DNM3: variants seen among roughly 807,000 people sequenced by gnomAD.
DNM3 encodes the protein dynamin-3.
In DNM3, 47 loss-of-function variants were observed where a neutral mutation model predicts 101.6. That is an observed-to-expected ratio of 0.46 (90% CI 0.37 to 0.59). DNM3 has a LOEUF of 0.59. DNM3 is among the 20% of genes least tolerant of loss of function. The pLI is 0.00. For synonymous variants in DNM3, 385 were observed against 387.9 expected, an observed-to-expected ratio of 0.99 and a Z score of 0.09; for missense variants, 849 against 1,085.7, an observed-to-expected ratio of 0.78 and a Z score of 3.06.
chr1:172,092,159 A>T (rs1396294311), intron 12 of DNM3, among the ~76,000 whole-genome samples: 1 of 152,164 alleles, frequency 6.6e-6, no homozygotes, highest in African/African-American at 2.4e-5. Context: ...TACCCAAGTG[A>T]TGAGGTTAAG....
chr1:172,213,665 T>G (rs1188530838), intron 14 of DNM3, among the ~76,000 whole-genome samples: 1 of 151,564 alleles, frequency 6.6e-6, no homozygotes, highest in African/African-American at 2.4e-5. Context: ...CCGTCTCTAC[T>G]GAAAAAGCAA....
Position 172,048,767 on chromosome 1 carries a change from T to A in DNM3, c.1335+17T>A. On this transcript the variant is annotated intron_variant, in intron 10 of 20. Transcript: ENST00000627582. ...ACCAAAAAAGTAAGTTCGAATTATT[T>A]AACTTTCCAGTACGTGGCTTTGGTT... 4.3e-6 allele frequency: 7 copies of A among 1,609,360 alleles called. No homozygotes were observed. The highest frequency in any genetic ancestry group is 5.1e-6 in the Non-Finnish European group (6 of 1,177,740).
intron 17 of DNM3, among the ~76,000 whole-genome samples, chr1:172,354,127 G>GAGAGAGAGAGAGAC (rs2067328642): frequency 6.7e-6 from 1 of 150,176 alleles, no homozygotes; most frequent in Admixed American, 6.7e-5. Context: ...GAGAGAGAGA[G>GAGAGAGAGAGAGAC]AGAGAGAGAG....
intron 1 of DNM3, among the ~76,000 whole-genome samples, chr1:171,891,085 G>A (rs1384891496): frequency 6.6e-6 from 1 of 152,130 alleles, no homozygotes; most frequent in Non-Finnish European, 1.5e-5. Flanking sequence ...CAACTAAATT[G>A]TGCTGGAAGG....
At chr1:171,849,933 T>G (rs541410903) in intron 1 of DNM3, among the ~76,000 whole-genome samples, 1 of 152,328 alleles carries the variant, frequency 6.6e-6, no homozygotes, top group East Asian at 1.9e-4. Context: ...TTTCTGACAT[T>G]ATTTTTAGTT....
At chr1:172,056,881 T>C (rs532288712) in intron 10 of DNM3, among the ~76,000 whole-genome samples, 5,760 of 151,918 alleles carry the variant, frequency 0.038, 116 homozygotes, top group Middle Eastern at 0.071. Context: ...AGGCTTCAGA[T>C]GATCAAATTA....
chr1:172,107,823 C>G, intron 13 of DNM3, among the ~76,000 whole-genome samples: 1 of 152,190 alleles, frequency 6.6e-6, no homozygotes. Flanking sequence ...ATTTCAGTTT[C>G]TGTCCCCAAA....
intron 1 of DNM3, among the ~76,000 whole-genome samples, chr1:171,857,851 T>C (rs1361851003): frequency 6.6e-6 from 1 of 151,986 alleles, no homozygotes; most frequent in African/African-American, 2.4e-5. Flanking sequence ...ATTAAAGAGG[T>C]CATAAGGGTG....
chr1:172,159,291 C>T (rs1162286304), intron 14 of DNM3, among the ~76,000 whole-genome samples: 1 of 151,586 alleles, frequency 6.6e-6, no homozygotes, highest in Middle Eastern at 3.2e-3. Flanking sequence ...TTGCCTCACA[C>T]TTTTTAAATG....
intron 10 of DNM3, among the ~76,000 whole-genome samples, chr1:172,052,392 G>A (rs183193169): frequency 6.6e-6 from 1 of 152,042 alleles, no homozygotes; most frequent in Non-Finnish European, 1.5e-5. Flanking sequence ...ATATATCTAT[G>A]TCTGTCCTAA....
intron 3 of DNM3, among the ~76,000 whole-genome samples, chr1:171,988,417 G>A (rs376784978): frequency 3.9e-5 from 6 of 152,156 alleles, no homozygotes; most frequent in East Asian, 3.9e-4. Context: ...TTGTTTATAT[G>A]GAGAGGTTGG....
chr1:172,025,801 A>C (rs2048165313), intron 4 of DNM3, among the ~76,000 whole-genome samples: 1 of 152,186 alleles, frequency 6.6e-6, no homozygotes, highest in Non-Finnish European at 1.5e-5. Flanking sequence ...CCATCTGAAG[A>C]TCACCAACCT....
intron 17 of DNM3, among the ~76,000 whole-genome samples, chr1:172,325,019 T>C (rs2065883135): frequency 6.6e-6 from 1 of 152,008 alleles, no homozygotes; most frequent in South Asian, 2.1e-4. Flanking sequence ...TTAAGAACAT[T>C]TGTAAAATTC....
intron 10 of DNM3, among the ~76,000 whole-genome samples, chr1:172,067,949 T>C (rs2051826173): frequency 2.0e-5 from 3 of 152,102 alleles, no homozygotes. Context: ...AGGACTTAGG[T>C]TGGAATCCTG....
chr1:171,918,151 T>C (rs531646501), intron 1 of DNM3, among the ~76,000 whole-genome samples: 1 of 152,290 alleles, frequency 6.6e-6, no homozygotes, highest in South Asian at 2.1e-4. Context: ...CTTAGTTTTT[T>C]AAGGTAAGCG....
intron 14 of DNM3, among the ~76,000 whole-genome samples, chr1:172,222,904 T>A (rs939108657): frequency 6.6e-6 from 1 of 152,134 alleles, no homozygotes; most frequent in Non-Finnish European, 1.5e-5. Flanking sequence ...TTCTTGTCCT[T>A]CTCTATTATC....
intron 14 of DNM3, among the ~76,000 whole-genome samples, chr1:172,209,733 G>A (rs2060448883): frequency 1.3e-5 from 2 of 151,976 alleles, no homozygotes; most frequent in Non-Finnish European, 2.9e-5. Flanking sequence ...ACATTACAGG[G>A]CACTTCAAAC....
In DNM3 at chr1:172,267,321, A is replaced by G. The variant is rs182593976; in HGVS notation, c.1769+13639A>G. Among the ~76,000 whole-genome samples, 22 of 152,370 alleles carry G rather than the reference A, an allele frequency of 1.4e-4. No homozygotes were observed. In the East Asian group the frequency reaches 2.5e-3, roughly 17 times the overall value. On this transcript the variant is annotated intron_variant, in intron 15 of 20. Transcript: ENST00000627582. ...TTTCCCCCTCTGTTATATGGAGAAG[A>G]TAGAAATAATGCCAATTGCTAATAT...
chr1:172,312,906 C>T (rs1378310706), intron 16 of DNM3, among the ~76,000 whole-genome samples: 1 of 152,072 alleles, frequency 6.6e-6, no homozygotes, highest in Non-Finnish European at 1.5e-5. Flanking sequence ...TTTCTGGATC[C>T]AAAGCAAAAT....
Sources: gnomAD v4.1 joint callset for allele counts (sites outside exome capture counted in the v4.1 genomes callset) on GRCh38, gnomAD v4.1.1 for gene constraint, MANE v1.5 for transcripts, NCBI Gene and HGNC (gene_info 2026-07-23, HGNC 2026-07-21) for gene names.